Variants in PPP6C observed in about 807,000 individuals in gnomAD.
The protein encoded by PPP6C is serine/threonine-protein phosphatase 6 catalytic subunit.
Under a neutral mutation model 39.8 loss-of-function variants are expected in PPP6C, and 11 were observed. That is an observed-to-expected ratio of 0.28 (90% CI 0.17 to 0.46). PPP6C has a LOEUF of 0.46. Among genes scored for constraint, PPP6C ranks in the 20% least tolerant of loss-of-function variants. PPP6C has a pLI of 1.00. For missense variants in PPP6C, 211 were observed against 373.9 expected (o/e 0.56, Z 3.59); for synonymous variants, 129 against 130.3 (o/e 0.99, Z 0.07).
chr9:125,164,249 C>T (rs1352384910), intron 2 of PPP6C, among the ~76,000 whole-genome samples: 1 of 94,858 alleles, frequency 1.1e-5, no homozygotes, highest in Non-Finnish European at 1.9e-5. Flanking sequence ...TTTTTTGAGA[C>T]GGAGTCTCAG....
At chr9:125,154,023 G>C in intron 4 of PPP6C, 38 bp from the exon 5 acceptor site, 1 of 1,436,886 alleles carries the variant, frequency 7.0e-7, no homozygotes, top group East Asian at 2.3e-5. Flanking sequence ...TAATGAATCT[G>C]CTAATAAAAA....
chr9:125,175,947 T>C (rs1829288782), intron 1 of PPP6C, among the ~76,000 whole-genome samples: 2 of 152,036 alleles, frequency 1.3e-5, no homozygotes, highest in African/African-American at 4.8e-5. Flanking sequence ...TATATAACAG[T>C]AATTTGTCAC....
rs1448970000 is a variant in PPP6C, at chr9:125,172,746, CACACAA to C, written c.76-1572_76-1567del. Among the ~76,000 whole-genome samples, 420 of 138,392 alleles carry C rather than the reference CACACAA, an allele frequency of 3.0e-3. 2 individuals carry two copies. The highest frequency in any genetic ancestry group is 0.012 in the African/African-American group (367 of 29,862). 90.8% of individuals were successfully genotyped at this position (138,392 alleles called of 152,430 possible). A position where few individuals can be genotyped will look rare whatever the true frequency, so the allele number is the denominator to read the frequency against. Reference sequence around the variant, plus strand: ...ACACACACACACACACACACACACACACACAAACACACACACACACACACAAACACA... The same window carrying C: ...ACACACACACACACACACACACACACACACACACACACACACACAAACACA... On this transcript the variant is annotated intron_variant, in intron 1 of 6. Transcript: ENST00000373547.
chr9:125,169,429 C>T (rs1829093902), intron 2 of PPP6C, among the ~76,000 whole-genome samples: 1 of 152,168 alleles, frequency 6.6e-6, no homozygotes, highest in Non-Finnish European at 1.5e-5. Flanking sequence ...ACTTTCTGAC[C>T]TTTGATCATG....
At chr9:125,172,099 T>C in intron 1 of PPP6C, 2 of 358,656 alleles carry the variant, frequency 5.6e-6, no homozygotes, top group Non-Finnish European at 1.1e-5. Flanking sequence ...AAGAAACGAA[T>C]ACTGCCACAC....
intron 2 of PPP6C, among the ~76,000 whole-genome samples, chr9:125,166,819 A>G (rs1211608504): frequency 6.6e-6 from 1 of 152,078 alleles, no homozygotes; most frequent in Non-Finnish European, 1.5e-5. Context: ...CCAACCCACA[A>G]CTACTTTTCC....
chr9:125,189,765 AGCG>A lies in PPP6C; in HGVS notation c.-50_-48del. On this transcript the variant is annotated 5_prime_UTR_variant, in exon 1 of 7. Transcript: ENST00000373547. ...CAACAGCGGCGGCGGCGGCTGTAGC[AGCG>A]GCGGCGGCAGCGGCGGAGGCCGAAG... The A allele has an allele frequency of 1.3e-6, 2 of 1,546,026 alleles. No homozygotes were observed. Among genetic ancestry groups the A allele is most frequent in the Middle Eastern group, 1.8e-4 (1 of 5,506 alleles).
In PPP6C at chr9:125,167,618, G is replaced by A. The variant is rs182616688; in HGVS notation, c.171+3467C>T. Among the ~76,000 whole-genome samples the A allele has an allele frequency of 1.9e-3, 291 of 151,714 alleles. 2 individuals are homozygous for A. Among genetic ancestry groups the A allele is most frequent in the African/African-American group, 6.5e-3 (270 of 41,388 alleles). ...CTCAGGAGGCTGAGGCAGGAGAATC[G>A]CTTGAACCTGGGAGGCAGAGGTTGC... On this transcript the variant is annotated intron_variant, in intron 2 of 6. Transcript: ENST00000373547.
intron 1 of PPP6C, chr9:125,171,976 G>A (rs752528695): frequency 4.3e-6 from 2 of 466,808 alleles, no homozygotes; most frequent in South Asian, 3.1e-5. Flanking sequence ...AATACTCGCA[G>A]AAGCCTAATG....
intron 1 of PPP6C, among the ~76,000 whole-genome samples, chr9:125,181,571 T>C (rs1458037155): frequency 6.6e-6 from 1 of 152,074 alleles, no homozygotes; most frequent in African/African-American, 2.4e-5. Flanking sequence ...CGCTTACGAG[T>C]GAGAACATGC....
chr9:125,159,293 C>A (rs1362131287), intron 3 of PPP6C, among the ~76,000 whole-genome samples: 1 of 151,374 alleles, frequency 6.6e-6, no homozygotes, highest in East Asian at 1.9e-4. Context: ...AGGTGATCCA[C>A]CTGCCTCGGC....
intron 2 of PPP6C, among the ~76,000 whole-genome samples, chr9:125,162,092 A>ATT (rs1828889547): frequency 6.8e-6 from 1 of 147,934 alleles, no homozygotes; most frequent in Admixed American, 6.8e-5. Context: ...AAGTCAGACA[A>ATT]AAAAAAAAAA....
intron 1 of PPP6C, among the ~76,000 whole-genome samples, chr9:125,184,546 G>C (rs545748885): frequency 4.0e-5 from 6 of 150,096 alleles, no homozygotes; most frequent in Admixed American, 4.0e-4. Flanking sequence ...AGCAGACTGA[G>C]ACCCTACCTC....
At chr9:125,179,389 A>G (rs1317056162) in intron 1 of PPP6C, among the ~76,000 whole-genome samples, 1 of 152,074 alleles carries the variant, frequency 6.6e-6, no homozygotes, top group Non-Finnish European at 1.5e-5. Flanking sequence ...TTCTTTCAAG[A>G]GCAGATTGTT....
At chr9:125,170,005 G>C (rs1306044099) in intron 2 of PPP6C, among the ~76,000 whole-genome samples, 1 of 152,134 alleles carries the variant, frequency 6.6e-6, no homozygotes, top group African/African-American at 2.4e-5. Context: ...CATATTTAAA[G>C]CAGGGAAATT....
chr9:125,151,614 T>A, intron 6 of PPP6C: 1 of 713,342 alleles, frequency 1.4e-6, no homozygotes, highest in South Asian at 1.4e-5. Context: ...TGAGGCTTTT[T>A]AAGAATAAAA....
intron 1 of PPP6C, among the ~76,000 whole-genome samples, chr9:125,188,615 G>A (rs2131348713): frequency 1.3e-5 from 2 of 151,852 alleles, no homozygotes; most frequent in South Asian, 4.2e-4. Flanking sequence ...GCGAAACCCC[G>A]TCTCTACTAA....
chr9:125,171,178 C>A lies in PPP6C; in HGVS notation c.78G>T (p.Arg26=), dbSNP rs138114335. The change falls in exon 2 of 7, where the codon CGG becomes CGT. Residue 26 remains arginine, a splice_region_variant and synonymous_variant. Coordinates refer to ENST00000373547, the MANE Select transcript of PPP6C (RefSeq NM_002721.5). The part of the protein sequence containing the change: ...CKYLPENDLK[R]LCDYVCDLLL... Reference sequence around the variant, plus strand: ...GGAGGTCACAAACGTAGTCACATAGCCGCTATAAAAAGAGAAAATAAAAGG... The same window carrying A: ...GGAGGTCACAAACGTAGTCACATAGACGCTATAAAAAGAGAAAATAAAAGG... The A allele has an allele frequency of 3.2e-6, 5 of 1,570,088 alleles. No homozygotes were observed. The African/African-American group carries it at 4.1e-5, about 13-fold the overall frequency.
intron 1 of PPP6C, chr9:125,188,968 G>A (rs1178997975): frequency 1.9e-6 from 3 of 1,540,742 alleles, no homozygotes; most frequent in East Asian, 2.5e-5. Flanking sequence ...AAGGGGTTAA[G>A]GAGAAAGTAT....
Sources: allele counts gnomAD v4.1 joint callset (sites outside exome capture counted in the v4.1 genomes callset), GRCh38; gene constraint gnomAD v4.1.1; transcripts MANE v1.5; gene names NCBI Gene and HGNC (gene_info 2026-07-23, HGNC 2026-07-21).